Variants in KCNQ1 observed in about 807,000 individuals in gnomAD.
KCNQ1 encodes the protein potassium voltage-gated channel subfamily KQT member 1.
Under a neutral mutation model 72.4 loss-of-function variants are expected in KCNQ1, and 49 were observed. That is an observed-to-expected ratio of 0.68 (90% CI 0.54 to 0.86). The LOEUF (loss-of-function observed/expected upper bound fraction) is 0.86, where lower values mean the gene tolerates loss of function less well. Ranked by LOEUF, KCNQ1 falls within the 40% of genes least tolerant of loss-of-function variation. KCNQ1 has a pLI of 0.00. For synonymous variants in KCNQ1, 450 were observed against 412.6 expected, an observed-to-expected ratio of 1.09 and a Z score of -1.10; for missense variants, 790 against 945.1, an observed-to-expected ratio of 0.84 and a Z score of 2.15.
intron 11 of KCNQ1, among the ~76,000 whole-genome samples, chr11:2,700,304 C>T (rs1590040962): frequency 6.6e-6 from 1 of 152,126 alleles, no homozygotes; most frequent in African/African-American, 2.4e-5. Flanking sequence ...CCGGGGCCAG[C>T]GCCAGCCTCA....
In KCNQ1 at chr11:2,624,250, A is replaced by C; in HGVS notation, c.1393+35396A>C. On this transcript the variant is annotated intron_variant, in intron 10 of 15. Transcript: ENST00000155840. This position sits in a 1 kb window ranked among gnomAD's most constrained non-coding sequence, Gnocchi z 4.9. ...AGATGTCTGTTAAGGTCTTCAGTCC[A>C]TTTTGTAATCAGATTGTTTGTTTTC... 1 of 398,554 alleles carries C rather than the reference A, an allele frequency of 2.5e-6. No homozygotes were observed. Among genetic ancestry groups the C allele is most frequent in the Non-Finnish European group, 4.4e-6 (1 of 226,032 alleles). 24.7% of individuals were successfully genotyped at this position (398,554 alleles called of 1,614,324 possible).
At position 2,588,106 on chromosome 11, in the gene KCNQ1, G is replaced by T. The variant is rs920566169; in HGVS notation, c.1251+414G>T. On this transcript the variant is annotated intron_variant, in intron 9 of 15. Transcript: ENST00000155840. The surrounding 1 kb of genome is among the most constrained non-coding windows in gnomAD (Gnocchi z 5.6). ...GGAGGTGAGGCAGGGGTGCAGCGAA[G>T]GGGGTCTGGAGGTCACAGGGCAGTG... Among the ~76,000 whole-genome samples, 3 of 152,138 alleles carry T rather than the reference G, an allele frequency of 2.0e-5. No individual in the cohort carries two copies. The highest frequency in any genetic ancestry group is 7.2e-5 in the African/African-American group (3 of 41,418).
intron 15 of KCNQ1, among the ~76,000 whole-genome samples, chr11:2,814,305 A>ATGGATG: frequency 7.1e-6 from 1 of 140,872 alleles, no homozygotes; most frequent in East Asian, 2.4e-4. Flanking sequence ...ATGGATGGAT[A>ATGGATG]GATGGATGGA....
rs564754699 is a variant in KCNQ1 at position 2,544,502 on chromosome 11, C to T, written c.477+16484C>T. 2.7e-4 allele frequency among the ~76,000 whole-genome samples: 41 copies of T among 151,576 alleles called. No homozygotes were observed. Among genetic ancestry groups the T allele is most frequent in the African/African-American group, 9.9e-4 (41 of 41,298 alleles). ...CATATACATATGAGGTTATATACCA[C>T]TTATTTAGATTTTTAACTTCTGTCA... On this transcript the variant is annotated intron_variant, in intron 2 of 15. Transcript: ENST00000155840. The surrounding 1 kb of genome is among the most constrained non-coding windows in gnomAD (Gnocchi z 4.4).
At chr11:2,738,126 G>A (rs561430470) in intron 11 of KCNQ1, among the ~76,000 whole-genome samples, 1 of 152,242 alleles carries the variant, frequency 6.6e-6, no homozygotes, top group Admixed American at 6.5e-5. Context: ...AGATGAACGA[G>A]GAAAGGAGAA....
intron 15 of KCNQ1, among the ~76,000 whole-genome samples, chr11:2,794,537 A>G (rs1440721616): frequency 1.3e-5 from 2 of 152,282 alleles, no homozygotes; most frequent in South Asian, 2.1e-4. Flanking sequence ...AAGCAGGCTC[A>G]TGTGACTCAG....
At chr11:2,837,998 C>T (rs1480375224) in intron 15 of KCNQ1, among the ~76,000 whole-genome samples, 2 of 152,202 alleles carry the variant, frequency 1.3e-5, no homozygotes, top group Non-Finnish European at 2.9e-5. Flanking sequence ...GGTCATGGGC[C>T]CCAGAGGCCT....
Position 2,808,568 on chromosome 11 carries a change from G to A in KCNQ1, c.1794+30531G>A, listed in dbSNP as rs893060394. On this transcript the variant is annotated intron_variant, in intron 15 of 15. Transcript: ENST00000155840. This position sits in a 1 kb window ranked among gnomAD's most constrained non-coding sequence, Gnocchi z 6.0. ...GAGAACTATCATTAATTTTTTAAAT[G>A]GGAGTCCTCAGGTAGGTTGGTTGAT... 6.6e-6 allele frequency among the ~76,000 whole-genome samples: 1 copy of A among 152,156 alleles called. No homozygotes were observed. The highest frequency in any genetic ancestry group is 1.9e-4 in the East Asian group (1 of 5,190).
intron 11 of KCNQ1, among the ~76,000 whole-genome samples, chr11:2,756,775 G>A (rs1414374123): frequency 6.6e-6 from 1 of 151,772 alleles, no homozygotes; most frequent in Non-Finnish European, 1.5e-5. Context: ...TTTGAATAAC[G>A]AGTCCTTGGG....
intron 4 of KCNQ1, 25 bp from the exon 5 acceptor site, chr11:2,571,988 C>T (rs377236924): frequency 4.0e-5 from 64 of 1,598,668 alleles, no homozygotes; most frequent in Non-Finnish European, 5.1e-5. Context: ...CTGGCTCCCT[C>T]AGCCCCACAC....
In KCNQ1 at chr11:2,601,034, T is replaced by C. The variant is rs529625676; in HGVS notation, c.1393+12180T>C. Among the ~76,000 whole-genome samples the C allele has an allele frequency of 3.2e-4, 48 of 149,714 alleles. 1 individual carries two copies. The South Asian group carries it at 9.9e-3, about 31-fold the overall frequency. Reference sequence around the variant, plus strand: ...TTACTATATTTTGCCTTGCAACCAATAAACAATCGGGGGAGATTCTTTAAG... The same window carrying C: ...TTACTATATTTTGCCTTGCAACCAACAAACAATCGGGGGAGATTCTTTAAG... On this transcript the variant is annotated intron_variant, in intron 10 of 15. Transcript: ENST00000155840. The surrounding 1 kb of genome is among the most constrained non-coding windows in gnomAD (Gnocchi z 5.2).
At chr11:2,646,938 G>A (rs928653168) in intron 10 of KCNQ1, 121 of 398,460 alleles carry the variant, frequency 3.0e-4, no homozygotes, top group Non-Finnish European at 4.7e-4. Flanking sequence ...ATCTGCAAAG[G>A]ACAATATGAC....
intron 10 of KCNQ1, among the ~76,000 whole-genome samples, chr11:2,596,059 A>C (rs923110740): frequency 6.6e-6 from 1 of 152,240 alleles, no homozygotes; most frequent in Admixed American, 6.5e-5. Context: ...CTAGAATTAG[A>C]AGTGGAGCCT....
intron 2 of KCNQ1, among the ~76,000 whole-genome samples, chr11:2,546,786 G>C (rs1847907793): frequency 6.6e-6 from 1 of 152,188 alleles, no homozygotes; most frequent in Non-Finnish European, 1.5e-5. Flanking sequence ...TCGTTCTTGG[G>C]TGCATTAGCA....
intron 1 of KCNQ1, among the ~76,000 whole-genome samples, chr11:2,506,283 A>G (rs930996590): frequency 6.6e-6 from 1 of 152,178 alleles, no homozygotes; most frequent in Admixed American, 6.5e-5. Flanking sequence ...CAGTTATCCC[A>G]CCATCATTTG....
At chr11:2,836,649 C>T (rs2134076314) in intron 15 of KCNQ1, among the ~76,000 whole-genome samples, 1 of 152,364 alleles carries the variant, frequency 6.6e-6, no homozygotes, top group Admixed American at 6.5e-5. Context: ...GGAGCCAGCA[C>T]TGTCCCCGTG....
intron 11 of KCNQ1, among the ~76,000 whole-genome samples, chr11:2,744,638 C>T (rs1459139590): frequency 6.6e-6 from 1 of 152,180 alleles, no homozygotes; most frequent in African/African-American, 2.4e-5. Flanking sequence ...GACCTTCATC[C>T]TAGAGCTTAG....
intron 2 of KCNQ1, among the ~76,000 whole-genome samples, chr11:2,542,995 T>A (rs1174026322): frequency 1.3e-5 from 2 of 152,088 alleles, no homozygotes; most frequent in Non-Finnish European, 2.9e-5. Context: ...ACGTGGTCCG[T>A]CATTTTCATG....
intron 11 of KCNQ1, among the ~76,000 whole-genome samples, chr11:2,736,481 G>A (rs371869855): frequency 3.9e-5 from 6 of 152,144 alleles, no homozygotes; most frequent in African/African-American, 1.2e-4. Flanking sequence ...GGTGGCCCCC[G>A]TGCCTGGAGA....
Sources: allele counts gnomAD v4.1 joint callset (sites outside exome capture counted in the v4.1 genomes callset), GRCh38; gene constraint gnomAD v4.1.1; non-coding constraint Gnocchi (gnomAD v3.1); transcripts MANE v1.5; gene names NCBI Gene and HGNC (gene_info 2026-07-23, HGNC 2026-07-21).